Variants in SLC25A15 observed in about 807,000 individuals in gnomAD.
SLC25A15 encodes mitochondrial ornithine transporter 1.
Under a neutral mutation model 32.3 loss-of-function variants are expected in SLC25A15, and 24 were observed. That is an observed-to-expected ratio of 0.74 (90% CI 0.54 to 1.04). SLC25A15 has a LOEUF of 1.04. Among genes scored for constraint, SLC25A15 ranks in the 50% least tolerant of loss-of-function variants. The probability of loss-of-function intolerance (pLI) is 0.00; values close to 1 mark genes in which losing one functional copy is unlikely to be tolerated. For missense variants in SLC25A15, 317 were observed against 374.5 expected, an observed-to-expected ratio of 0.85 and a Z score of 1.27; for synonymous variants, 132 against 142.1, an observed-to-expected ratio of 0.93 and a Z score of 0.51.
At chr13:40,798,993 C>T (rs1232078169) in intron 2 of SLC25A15, 64 bp from the exon 3 acceptor site, 1 of 1,613,554 alleles carries the variant, frequency 6.2e-7, no homozygotes, top group African/African-American at 1.3e-5. Context: ...GCTGCCTGTG[C>T]CTTCCTTCCA....
At chr13:40,791,821 A>T (rs888442298) in intron 1 of SLC25A15, among the ~76,000 whole-genome samples, 3 of 152,258 alleles carry the variant, frequency 2.0e-5, no homozygotes, top group Non-Finnish European at 4.4e-5. Flanking sequence ...CACTGGTTTT[A>T]AATTTTTTGT....
At chr13:40,798,322 G>A (rs939801614) in intron 2 of SLC25A15, among the ~76,000 whole-genome samples, 5 of 151,800 alleles carry the variant, frequency 3.3e-5, no homozygotes, top group Non-Finnish European at 5.9e-5. Flanking sequence ...AGACTCTGCT[G>A]TATTTAATCT....
At position 40,808,573 on chromosome 13, in the gene SLC25A15, T is replaced by G; in HGVS notation, c.758T>G (p.Phe253Cys). The G allele has an allele frequency of 6.2e-7, 1 of 1,607,132 alleles. No individual in the cohort carries two copies. The highest frequency in any genetic ancestry group is 8.5e-7 in the Non-Finnish European group (1 of 1,179,842). Residue 253 changes from phenylalanine (F) to cysteine (C), a missense_variant, in exon 6 of 7, where the codon TTT (phenylalanine) becomes TGT (cysteine). Transcript: ENST00000338625. Reference protein sequence around the residue: ...SGKQAGFIRTFINVVKNEGIT... With the variant: ...SGKQAGFIRTCINVVKNEGIT... Reference sequence around the variant, plus strand: ...AAACAGGCAGGATTTATCAGAACCTTTATAAATGTTGTGAAAAATGAAGGT... The same window carrying G: ...AAACAGGCAGGATTTATCAGAACCTGTATAAATGTTGTGAAAAATGAAGGT...
At chr13:40,795,259 G>A (rs1178846330) in intron 2 of SLC25A15, among the ~76,000 whole-genome samples, 7 of 152,232 alleles carry the variant, frequency 4.6e-5, no homozygotes, top group Non-Finnish European at 1.0e-4. Flanking sequence ...CAGAAGGAGG[G>A]TGTTTAGCCA....
At position 40,812,442 on chromosome 13, in the gene SLC25A15, TTAAATTATTTACTTAA is replaced by T. The variant is rs1033326365; in HGVS notation, c.*2778_*2793del. On this transcript the variant is annotated 3_prime_UTR_variant, in exon 7 of 7. Transcript: ENST00000338625. ...CTAAAGAAATTTCAGTGTTCTATCA[TTAAATTATTTACTTAA>T]TATTTGAGTCTGATGAATTTCATTG... Among the ~76,000 whole-genome samples the T allele has an allele frequency of 6.6e-6, 1 of 152,242 alleles. No individual in the cohort carries two copies. Among genetic ancestry groups the T allele is most frequent in the African/African-American group, 2.4e-5 (1 of 41,472 alleles).
intron 2 of SLC25A15, chr13:40,798,661 T>C: frequency 1.7e-6 from 1 of 590,662 alleles, no homozygotes; most frequent in Non-Finnish European, 2.1e-6. Context: ...TCCTCCATTT[T>C]TATTTAATCC....
chr13:40,804,698 C>T (rs903883040), intron 3 of SLC25A15, among the ~76,000 whole-genome samples: 6 of 149,082 alleles, frequency 4.0e-5, no homozygotes, highest in East Asian at 1.9e-4. Flanking sequence ...CCCACCACTA[C>T]GCCCGGCTAA....
intron 2 of SLC25A15, 65 bp downstream of exon 2, chr13:40,793,346 C>A: frequency 7.3e-7 from 1 of 1,362,158 alleles, no homozygotes; most frequent in Non-Finnish European, 1.0e-6. Flanking sequence ...ATGGTGGTCC[C>A]ATGAGATTAT....
intron 2 of SLC25A15, among the ~76,000 whole-genome samples, chr13:40,798,251 G>A (rs1204760150): frequency 1.4e-5 from 2 of 148,044 alleles, no homozygotes; most frequent in Non-Finnish European, 3.0e-5. Context: ...CTGCACTCCA[G>A]CCTGGGTGAC....
intron 3 of SLC25A15, among the ~76,000 whole-genome samples, chr13:40,803,905 C>T (rs563674854): frequency 6.6e-6 from 1 of 152,306 alleles, no homozygotes; most frequent in African/African-American, 2.4e-5. Flanking sequence ...AGGGCAGACA[C>T]ACTGAAGTAT....
intron 3 of SLC25A15, among the ~76,000 whole-genome samples, chr13:40,803,623 AG>A (rs2138051850): frequency 6.6e-6 from 1 of 152,308 alleles, no homozygotes; most frequent in East Asian, 1.9e-4. Flanking sequence ...TGCCTAGTTT[AG>A]ATTTCCAGTT....
chr13:40,799,456 G>A, intron 3 of SLC25A15, 141 bp downstream of exon 3: 9 of 996,296 alleles, frequency 9.0e-6, no homozygotes, highest in Non-Finnish European at 1.4e-5. Flanking sequence ...TTCAAAACCA[G>A]CCTGGGCAAC....
At chr13:40,803,236 A>G (rs1434741671) in intron 3 of SLC25A15, among the ~76,000 whole-genome samples, 1 of 136,352 alleles carries the variant, frequency 7.3e-6, no homozygotes, top group Non-Finnish European at 1.6e-5. Flanking sequence ...TTTTTTTTTG[A>G]AAGAGTCTCA....
intron 2 of SLC25A15, among the ~76,000 whole-genome samples, chr13:40,793,910 A>T (rs747773172): frequency 6.6e-6 from 1 of 152,234 alleles, no homozygotes; most frequent in Non-Finnish European, 1.5e-5. Flanking sequence ...TGGGATATGC[A>T]GGTGATGTGG....
At chr13:40,807,632 A>G (rs1882248643) in intron 5 of SLC25A15, among the ~76,000 whole-genome samples, 169 bp downstream of exon 5, 1 of 152,180 alleles carries the variant, frequency 6.6e-6, no homozygotes, top group South Asian at 2.1e-4. Flanking sequence ...GGCAGTTGAT[A>G]GCACCCACCC....
intron 2 of SLC25A15, among the ~76,000 whole-genome samples, chr13:40,793,839 G>T (rs1881587429): frequency 6.6e-6 from 1 of 152,238 alleles, no homozygotes; most frequent in Admixed American, 6.5e-5. Context: ...ATGGGTGGAA[G>T]GTGCCCAGTA....
rs764750734 is a variant in SLC25A15 at position 40,810,772 on chromosome 13, G to A, written c.*1105G>A. 2 of 534,794 alleles carry A rather than the reference G, an allele frequency of 3.7e-6. No homozygotes were observed. The highest frequency in any genetic ancestry group is 7.7e-6 in the Non-Finnish European group (2 of 260,096). The allele number at this position is 534,794 out of a possible 1,614,324, so 33.1% of individuals were successfully genotyped here. A position where few individuals can be genotyped will look rare whatever the true frequency, so the allele number is the denominator to read the frequency against. ...AACTTCCCTTCTTGGGCTTTAGATT[G>A]AGGAAGGGGCTGAGTGGTAGGCGGT... On this transcript the variant is annotated 3_prime_UTR_variant, in exon 7 of 7. Coordinates refer to ENST00000338625, the MANE Select transcript of SLC25A15 (RefSeq NM_014252.4).
At position 40,793,245 on chromosome 13, in the gene SLC25A15, A is replaced by G. The variant is rs1156296838; in HGVS notation, c.19A>G (p.Ile7Val). 6.2e-7 allele frequency: 1 copy of G among 1,614,156 alleles called. No individual in the cohort carries two copies. The highest frequency in any genetic ancestry group is 8.5e-7 in the Non-Finnish European group (1 of 1,180,004). Residue 7 changes from isoleucine to valine, a missense_variant, in exon 2 of 7, where the codon ATC becomes GTC. Transcript: ENST00000338625. Reference sequence around the variant, plus strand: ...GGCAAACATGAAATCCAATCCTGCTATCCAGGCTGCCATTGACCTCACAGC... The same window carrying G: ...GGCAAACATGAAATCCAATCCTGCTGTCCAGGCTGCCATTGACCTCACAGC... MKSNPA[I>V]QAAIDLTAGA...
chr13:40,793,364 T>C, intron 2 of SLC25A15, 83 bp downstream of exon 2: 1 of 1,170,622 alleles, frequency 8.5e-7, no homozygotes. Context: ...TATACTACCA[T>C]ATTTTTACTG....
Sources: gnomAD v4.1 joint callset for allele counts (sites outside exome capture counted in the v4.1 genomes callset) on GRCh38, gnomAD v4.1.1 for gene constraint, MANE v1.5 for transcripts, NCBI Gene and HGNC (gene_info 2026-07-23, HGNC 2026-07-21) for gene names.